Variants in HS6ST2 observed in about 807,000 individuals in gnomAD.
HS6ST2 encodes heparan-sulfate 6-O-sulfotransferase 2.
HS6ST2 carries 17 observed loss-of-function variants against 33.0 expected under a neutral mutation model. The ratio of observed to expected loss-of-function variants is 0.52; its 90% CI spans 0.35 to 0.77. The LOEUF (loss-of-function observed/expected upper bound fraction) is 0.77. HS6ST2 is among the 30% of genes least tolerant of loss of function. The pLI, the probability that HS6ST2 is intolerant of heterozygous loss-of-function variation, is 0.01. For missense variants in HS6ST2, 519 were observed against 551.7 expected (o/e 0.94, Z 0.59); for synonymous variants, 248 against 237.1 (o/e 1.05, Z -0.42).
chrX:132,937,836 C>A (rs1008440069), intron 2 of HS6ST2, among the ~76,000 whole-genome samples: 21 of 110,913 alleles, frequency 1.9e-4, no homozygotes, highest in Non-Finnish European at 1.3e-4. Context: ...TGGCTTACTA[C>A]CTGTGAGTAA....
intron 3 of HS6ST2, 108 bp downstream of exon 3, chrX:132,708,353 CA>C: frequency 4.0e-6 from 1 of 251,729 alleles, no homozygotes; most frequent in East Asian, 9.3e-5. Context: ...TTGTCCAAGC[CA>C]AAAACTTAAC....
intron 2 of HS6ST2, among the ~76,000 whole-genome samples, chrX:132,930,584 C>T (rs746844954): frequency 9.0e-6 from 1 of 110,905 alleles, no homozygotes; most frequent in Non-Finnish European, 1.9e-5. Flanking sequence ...GTCTAAGAGG[C>T]CTGTTAGTCC....
At chrX:132,671,641 G>A (rs773561318) in intron 3 of HS6ST2, among the ~76,000 whole-genome samples, 8 of 109,576 alleles carry the variant, frequency 7.3e-5, no homozygotes, top group Admixed American at 2.0e-4. Context: ...GTGCTCTAGC[G>A]GGAGGTGGTC....
At chrX:132,751,010 A>G (rs930827191) in intron 2 of HS6ST2, among the ~76,000 whole-genome samples, 1 of 112,424 alleles carries the variant, frequency 8.9e-6, no homozygotes, top group African/African-American at 3.2e-5. Flanking sequence ...CTCTAATCCA[A>G]AAAGAGAAAG....
At chrX:132,901,791 A>G (rs767259661) in intron 2 of HS6ST2, among the ~76,000 whole-genome samples, 80 of 111,342 alleles carry the variant, frequency 7.2e-4, no homozygotes, top group Non-Finnish European at 1.2e-3. Context: ...AGGGCAAAAT[A>G]TCCCAAGCAA....
At chrX:132,632,074 C>T (rs1369689522) in intron 4 of HS6ST2, among the ~76,000 whole-genome samples, 1 of 110,786 alleles carries the variant, frequency 9.0e-6, no homozygotes, top group Admixed American at 9.6e-5. Context: ...CCAACGTAGG[C>T]AGCCTCAGTG....
intron 2 of HS6ST2, among the ~76,000 whole-genome samples, chrX:132,819,442 C>T (rs2065430188): frequency 9.0e-6 from 1 of 111,661 alleles, no homozygotes; most frequent in African/African-American, 3.3e-5. Context: ...TACAGTACAA[C>T]GGTCTGGCAC....
chrX:132,958,396 G>T lies in HS6ST2; in HGVS notation c.207C>A (p.Asp69Glu). ...SHGFHTRPLLDKPRKASSSLA... is the reference protein window; with the variant it reads ...SHGFHTRPLLEKPRKASSSLA... ...GGGAAGAAGACGCCTTTCGGGGCTT[G>T]TCCAGGAGCGGCCGGGTGTGGAATC... Residue 69 changes from aspartate to glutamate, a missense_variant, in exon 1 of 5, where the codon GAC becomes GAA. Coordinates refer to ENST00000370833, the MANE Select transcript of HS6ST2 (RefSeq NM_001394073.1). The T allele has an allele frequency of 8.3e-7, 1 of 1,197,989 alleles. No individual in the cohort carries two copies.
At position 132,958,308 on chromosome X, in the gene HS6ST2, G is replaced by T; in HGVS notation, c.295C>A (p.His99Asn). ...LLSRGRRRRMHVLRRRWDLGS... is the reference protein window; with the variant it reads ...LLSRGRRRRMNVLRRRWDLGS... ...AGGTCCCAGCGTCGCCTGAGGACGT[G>T]CATCCGCCTGCGGCGGCCCCGGGAC... Residue 99 changes from histidine (H) to asparagine (N), a missense_variant, in exon 1 of 5, where the codon CAC (histidine) becomes AAC (asparagine). Physicochemically the swap from His to Asn is moderately conservative, Grantham distance 68. Coordinates refer to ENST00000370833, the MANE Select transcript of HS6ST2 (RefSeq NM_001394073.1). The T allele has an allele frequency of 2.5e-6, 3 of 1,194,076 alleles. No individual in the cohort carries two copies. Among genetic ancestry groups the T allele is most frequent in the Non-Finnish European group, 3.4e-6 (3 of 892,203 alleles).
intron 2 of HS6ST2, among the ~76,000 whole-genome samples, chrX:132,778,358 G>A (rs1259052366): frequency 9.0e-6 from 1 of 111,621 alleles, no homozygotes; most frequent in Admixed American, 9.5e-5. Context: ...ATCAGATGCT[G>A]GATTGAGCAA....
intron 4 of HS6ST2, among the ~76,000 whole-genome samples, chrX:132,650,771 C>CT (rs1373873512): frequency 9.8e-6 from 1 of 102,347 alleles, no homozygotes; most frequent in Non-Finnish European, 2.0e-5. Context: ...CTCTCTCTCT[C>CT]TTCTTTTTTG....
chrX:132,910,187 C>A (rs780558347), intron 2 of HS6ST2, among the ~76,000 whole-genome samples: 2 of 111,775 alleles, frequency 1.8e-5, no homozygotes, highest in Non-Finnish European at 3.8e-5. Context: ...AAACTGGTTG[C>A]CATGAATCTA....
chrX:132,674,633 C>A (rs1400251317), intron 3 of HS6ST2, among the ~76,000 whole-genome samples: 1 of 111,853 alleles, frequency 8.9e-6, no homozygotes, highest in Admixed American at 9.5e-5. Context: ...TCCCTGAATG[C>A]CTCATTGGGA....
intron 4 of HS6ST2, among the ~76,000 whole-genome samples, chrX:132,663,534 A>C (rs780695523): frequency 8.9e-6 from 1 of 112,739 alleles, no homozygotes; most frequent in Non-Finnish European, 1.9e-5. Flanking sequence ...ACAAAGGTGC[A>C]ATTGCAAAAA....
chrX:132,739,708 C>T (rs1459355255), intron 2 of HS6ST2, among the ~76,000 whole-genome samples: 10 of 101,831 alleles, frequency 9.8e-5, no homozygotes, highest in African/African-American at 3.3e-4. Context: ...GAGCAAGACT[C>T]CATTTCAAAA....
intron 2 of HS6ST2, among the ~76,000 whole-genome samples, chrX:132,843,323 C>T (rs143080716): frequency 8.9e-4 from 100 of 111,956 alleles, no homozygotes; most frequent in African/African-American, 3.0e-3. Flanking sequence ...AAGTATTATA[C>T]CACTTACATG....
At chrX:132,634,269 C>T (rs769806386) in intron 4 of HS6ST2, among the ~76,000 whole-genome samples, 7 of 112,104 alleles carry the variant, frequency 6.2e-5, no homozygotes, top group African/African-American at 1.9e-4. Flanking sequence ...GGAAATCTTT[C>T]TTCAGGTTGA....
chrX:132,695,202 T>G (rs2064094373), intron 3 of HS6ST2, among the ~76,000 whole-genome samples: 1 of 111,562 alleles, frequency 9.0e-6, no homozygotes, highest in Admixed American at 9.5e-5. Flanking sequence ...TCCTCACACA[T>G]CATGCCCACC....
Position 132,710,831 on chromosome X carries a change from C to A in HS6ST2, c.948-2337G>T, listed in dbSNP as rs1200770256. 9.0e-5 allele frequency among the ~76,000 whole-genome samples: 10 copies of A among 111,396 alleles called. No individual in the cohort carries two copies. The Admixed American group carries it at 9.6e-4, about 11-fold the overall frequency. ...CTTGAAATACTGTAAAAACAGGAAG[C>A]CTCTAAGTGGCAGTTTCATAATACT... On this transcript the variant is annotated intron_variant, in intron 2 of 4. Coordinates refer to ENST00000370833, the MANE Select transcript of HS6ST2 (RefSeq NM_001394073.1).
Sources: gnomAD v4.1 joint callset for allele counts (sites outside exome capture counted in the v4.1 genomes callset) on GRCh38, gnomAD v4.1.1 for gene constraint, MANE v1.5 for transcripts, NCBI Gene and HGNC (gene_info 2026-07-23, HGNC 2026-07-21) for gene names.